RAPGEF6: variants seen among roughly 807,000 people sequenced by gnomAD.
RAPGEF6 encodes the protein PDZ domain containing guanine nucleotide exchange factor (GEF) 2.
A neutral mutation model predicts 171.4 loss-of-function variants in RAPGEF6; 56 were observed. That is an observed-to-expected ratio of 0.33 (90% confidence interval 0.26 to 0.41). The LOEUF (loss-of-function observed/expected upper bound fraction) is 0.41. Among genes scored for constraint, RAPGEF6 ranks in the 10% least tolerant of loss-of-function variants. The probability of loss-of-function intolerance (pLI) is 1.00; values close to 1 mark genes in which losing one functional copy is unlikely to be tolerated. For synonymous variants in RAPGEF6, 692 were observed against 650.1 expected (o/e 1.06, Z -0.98); for missense variants, 1,674 against 1,921.4 (o/e 0.87, Z 2.41).
At chr5:131,436,749 G>C (rs544407141) in intron 24 of RAPGEF6, among the ~76,000 whole-genome samples, 175 of 152,266 alleles carry the variant, frequency 1.1e-3, no homozygotes, top group African/African-American at 4.2e-3. Flanking sequence ...GTCTAGAATT[G>C]TAAGGTAGAT....
At chr5:131,575,563 C>T (rs186687114) in intron 4 of RAPGEF6, among the ~76,000 whole-genome samples, 1 of 152,180 alleles carries the variant, frequency 6.6e-6, no homozygotes, top group African/African-American at 2.4e-5. Context: ...CCTTCCTAGG[C>T]GTGGTTGCAC....
At chr5:131,607,828 G>A (rs1217175276) in intron 1 of RAPGEF6, among the ~76,000 whole-genome samples, 1 of 152,122 alleles carries the variant, frequency 6.6e-6, no homozygotes, top group Non-Finnish European at 1.5e-5. Context: ...CTGCAATGTC[G>A]AAGTGACTTT....
At chr5:131,628,852 G>C (rs1434700474) in intron 1 of RAPGEF6, among the ~76,000 whole-genome samples, 1 of 152,212 alleles carries the variant, frequency 6.6e-6, no homozygotes, top group Non-Finnish European at 1.5e-5. Flanking sequence ...TTTGTTTACA[G>C]TATGGGTTAA....
chr5:131,442,302 C>T, intron 23 of RAPGEF6, 47 bp downstream of exon 23: 1 of 1,516,090 alleles, frequency 6.6e-7, no homozygotes, highest in Non-Finnish European at 9.0e-7. Flanking sequence ...TCTAACTCCC[C>T]TGGAAATTTC....
rs1754317449 is a variant in RAPGEF6, at chr5:131,466,078, CTCT to C, written c.2240-1800_2240-1798del. On this transcript the variant is annotated intron_variant, in intron 17 of 27. Coordinates refer to ENST00000509018, the MANE Select transcript of RAPGEF6 (RefSeq NM_016340.6). ...TTTTCATAAAATAAATTTTTTGGTC[CTCT>C]TGAGACTGAGGACCAAAAAAAAAAA... is the stretch of plus-strand genomic sequence containing the variant. Among the ~76,000 whole-genome samples the C allele has an allele frequency of 3.4e-5, 5 of 145,782 alleles. No individual in the cohort carries two copies. In the South Asian group the frequency reaches 1.1e-3, roughly 31 times the overall value.
intron 5 of RAPGEF6, among the ~76,000 whole-genome samples, chr5:131,550,622 T>C (rs1212438522): frequency 1.3e-5 from 2 of 152,238 alleles, no homozygotes; most frequent in Non-Finnish European, 1.5e-5. Context: ...TGTGTTATCA[T>C]ACCCATTCTG....
At chr5:131,601,951 C>A (rs1188615825) in intron 3 of RAPGEF6, among the ~76,000 whole-genome samples, 3 of 150,992 alleles carry the variant, frequency 2.0e-5, no homozygotes, top group Non-Finnish European at 4.4e-5. Flanking sequence ...AGGAGAATGG[C>A]ACGAACCCAG....
Position 131,427,659 on chromosome 5 carries a change from C to A in RAPGEF6, c.4781-368G>T, listed in dbSNP as rs115533749. 4.9e-3 allele frequency among the ~76,000 whole-genome samples: 743 copies of A among 152,248 alleles called. 4 individuals carry two copies. Among genetic ancestry groups the A allele is most frequent in the African/African-American group, 0.016 (681 of 41,544 alleles). ...TAATTTGGCATTTGAAACACAGTTT[C>A]AAGTTTCCATGCATTAAGGTAAAAT... is the stretch of plus-strand genomic sequence containing the variant. On this transcript the variant is annotated intron_variant, in intron 27 of 27. Transcript: ENST00000509018.
intron 19 of RAPGEF6, among the ~76,000 whole-genome samples, chr5:131,459,598 T>C (rs532568830): frequency 6.6e-6 from 1 of 152,174 alleles, no homozygotes; most frequent in African/African-American, 2.4e-5. Context: ...CTGTTTTAAA[T>C]AGCCAAAGTC....
chr5:131,590,869 C>G (rs1763547152), intron 4 of RAPGEF6, among the ~76,000 whole-genome samples: 1 of 152,092 alleles, frequency 6.6e-6, no homozygotes, highest in African/African-American at 2.4e-5. Context: ...TACTAATAAT[C>G]TTAAAATATA....
intron 7 of RAPGEF6, among the ~76,000 whole-genome samples, chr5:131,511,481 C>CTTTTTTTTTTTTTTTTTTTT (rs55782171): frequency 1.5e-5 from 2 of 137,328 alleles, no homozygotes; most frequent in African/African-American, 2.7e-5. Flanking sequence ...AAAAGATCAT[C>CTTTTTTTTTTTTTTTTTTTT]TTTTTTTTTT....
intron 1 of RAPGEF6, among the ~76,000 whole-genome samples, chr5:131,618,267 G>A (rs1325747246): frequency 6.6e-6 from 1 of 152,156 alleles, no homozygotes. Flanking sequence ...TTAAAAAAGA[G>A]AGGAGAAAGG....
intron 7 of RAPGEF6, among the ~76,000 whole-genome samples, chr5:131,518,398 A>AT (rs1758243691): frequency 2.7e-5 from 2 of 74,194 alleles, no homozygotes; most frequent in Admixed American, 2.8e-4. Flanking sequence ...CAGAGTTTGA[A>AT]ATTTTTTTTT....
intron 6 of RAPGEF6, among the ~76,000 whole-genome samples, chr5:131,540,693 A>G (rs1302577115): frequency 2.0e-5 from 3 of 152,250 alleles, no homozygotes; most frequent in Non-Finnish European, 2.9e-5. Context: ...GTCCAGATTC[A>G]TATTTGGCTC....
intron 14 of RAPGEF6, among the ~76,000 whole-genome samples, chr5:131,492,160 C>T (rs1158565167): frequency 6.6e-6 from 1 of 152,072 alleles, no homozygotes; most frequent in Non-Finnish European, 1.5e-5. Flanking sequence ...TAATGATTAC[C>T]ATAACCTTCA....
intron 24 of RAPGEF6, among the ~76,000 whole-genome samples, chr5:131,435,268 C>G (rs550139684): frequency 2.0e-5 from 3 of 152,284 alleles, no homozygotes; most frequent in South Asian, 4.2e-4. Flanking sequence ...AGTCTTCTGA[C>G]GTCTATCATA....
At chr5:131,555,875 T>C (rs1761205543) in intron 5 of RAPGEF6, among the ~76,000 whole-genome samples, 5 of 152,204 alleles carry the variant, frequency 3.3e-5, no homozygotes. Context: ...TTCGTCATTG[T>C]GTGAACATCA....
chr5:131,475,036 A>G lies in RAPGEF6; in HGVS notation c.2082-2292T>C, dbSNP rs569221322. Reference sequence around the variant, plus strand: ...TACAGAAAATACGAAAAGTCCTTATATCTCTTGCTGATGCTATTTAACATC... The same window carrying G: ...TACAGAAAATACGAAAAGTCCTTATGTCTCTTGCTGATGCTATTTAACATC... On this transcript the variant is annotated intron_variant, in intron 16 of 27. Transcript: ENST00000509018. 7.2e-5 allele frequency among the ~76,000 whole-genome samples: 11 copies of G among 152,358 alleles called. No individual in the cohort carries two copies. The East Asian group carries it at 2.1e-3, about 29-fold the overall frequency.
chr5:131,504,918 T>C, intron 10 of RAPGEF6, 140 bp from the exon 11 acceptor site: 1 of 868,724 alleles, frequency 1.2e-6, no homozygotes, highest in South Asian at 2.3e-5. Flanking sequence ...TTAACAAAAA[T>C]CAAGGTGAAA....
Sources: allele counts gnomAD v4.1 joint callset (sites outside exome capture counted in the v4.1 genomes callset), GRCh38; gene constraint gnomAD v4.1.1; transcripts MANE v1.5; gene names NCBI Gene and HGNC (gene_info 2026-07-23, HGNC 2026-07-21).